Variants in B3GALT1 observed in about 807,000 individuals in gnomAD.
B3GALT1 encodes beta-1,3-galactosyltransferase 1.
Under a neutral mutation model 23.2 loss-of-function variants are expected in B3GALT1, and 10 were observed. That is an observed-to-expected ratio of 0.43 (90% CI 0.27 to 0.73). The LOEUF is 0.73. Among genes scored for constraint, B3GALT1 ranks in the 30% least tolerant of loss-of-function variants. The pLI is 0.21. For synonymous variants in B3GALT1, 156 were observed against 141.5 expected (o/e 1.10, Z -0.73); for missense variants, 299 against 405.4 (o/e 0.74, Z 2.25).
At chr2:167,343,427 A>G (rs1244264347) in intron 1 of B3GALT1, among the ~76,000 whole-genome samples, 1 of 152,228 alleles carries the variant, frequency 6.6e-6, no homozygotes, top group African/African-American at 2.4e-5. Context: ...AGTTACAAAC[A>G]TCAGAAAATC....
intron 3 of B3GALT1, among the ~76,000 whole-genome samples, chr2:167,791,455 T>C (rs1036862202): frequency 3.3e-5 from 5 of 152,212 alleles, no homozygotes; most frequent in Non-Finnish European, 5.9e-5. Flanking sequence ...GAAAAGTGCT[T>C]GTATAAATCC....
chr2:167,343,864 G>A (rs1017152950), intron 1 of B3GALT1, among the ~76,000 whole-genome samples: 1 of 152,086 alleles, frequency 6.6e-6, no homozygotes, highest in Non-Finnish European at 1.5e-5. Flanking sequence ...AAGCTAAAAG[G>A]CAAAAGATAG....
At chr2:167,585,444 T>A (rs1163956595) in intron 2 of B3GALT1, among the ~76,000 whole-genome samples, 1 of 152,178 alleles carries the variant, frequency 6.6e-6, no homozygotes, top group African/African-American at 2.4e-5. Flanking sequence ...TACAAGAAGA[T>A]GCTCACAGTC....
intron 2 of B3GALT1, among the ~76,000 whole-genome samples, chr2:167,559,199 T>G (rs1164014057): frequency 2.0e-5 from 3 of 152,146 alleles, no homozygotes; most frequent in Non-Finnish European, 4.4e-5. Context: ...CAGGCAAACA[T>G]GGTCTGGAGT....
chr2:167,796,785 G>T (rs908820201), intron 3 of B3GALT1, among the ~76,000 whole-genome samples: 1 of 151,814 alleles, frequency 6.6e-6, no homozygotes, highest in African/African-American at 2.4e-5. Flanking sequence ...ACACATGAAG[G>T]TTTTATAAAG....
chr2:167,483,228 G>C (rs745352946), intron 1 of B3GALT1, among the ~76,000 whole-genome samples: 1 of 152,102 alleles, frequency 6.6e-6, no homozygotes, highest in Non-Finnish European at 1.5e-5. Flanking sequence ...GGGAGATGGA[G>C]GTTGTGGTGA....
rs117918915 is a variant in B3GALT1 at position 167,344,412 on chromosome 2, A to C, written c.-511+51078A>C. 1.5e-3 allele frequency among the ~76,000 whole-genome samples: 228 copies of C among 152,284 alleles called. 2 individuals carry two copies. The East Asian group carries it at 0.019, about 12-fold the overall frequency. ...TTATTTTGATCATGAGCTCATAATC[A>C]ACATTTTTCTTCTCCCTTCTTATGG... is the stretch of plus-strand genomic sequence containing the variant. On this transcript the variant is annotated intron_variant, in intron 1 of 4. Coordinates refer to ENST00000392690, the MANE Select transcript of B3GALT1 (RefSeq NM_020981.4).
chr2:167,754,556 A>C (rs1417401456), intron 3 of B3GALT1, among the ~76,000 whole-genome samples: 1 of 152,222 alleles, frequency 6.6e-6, no homozygotes, highest in East Asian at 1.9e-4. Flanking sequence ...AAGGGAAGTT[A>C]AGAGGCTTAA....
intron 1 of B3GALT1, among the ~76,000 whole-genome samples, chr2:167,349,480 G>C (rs2105253943): frequency 6.6e-6 from 1 of 152,254 alleles, no homozygotes; most frequent in South Asian, 2.1e-4. Flanking sequence ...ATGAAAAAGT[G>C]AAAGTTCTTG....
At chr2:167,779,699 T>C (rs1688216727) in intron 3 of B3GALT1, among the ~76,000 whole-genome samples, 1 of 152,212 alleles carries the variant, frequency 6.6e-6, no homozygotes, top group Non-Finnish European at 1.5e-5. Context: ...TGCAGTTCAG[T>C]GCACAGGGCC....
intron 2 of B3GALT1, among the ~76,000 whole-genome samples, chr2:167,590,736 A>T (rs919986306): frequency 1.3e-5 from 2 of 152,124 alleles, no homozygotes; most frequent in African/African-American, 4.8e-5. Context: ...GACTCTTGAT[A>T]TTTTTTTGAA....
At chr2:167,491,874 C>T (rs1381692488) in intron 2 of B3GALT1, among the ~76,000 whole-genome samples, 5 of 151,842 alleles carry the variant, frequency 3.3e-5, no homozygotes, top group African/African-American at 1.2e-4. Context: ...ACACAGAGAG[C>T]TTCCACATAA....
chr2:167,832,470 G>A (rs1373588514), intron 4 of B3GALT1, among the ~76,000 whole-genome samples: 1 of 152,112 alleles, frequency 6.6e-6, no homozygotes, highest in Admixed American at 6.5e-5. Flanking sequence ...GACAAAATAA[G>A]TCAATGCAGC....
intron 3 of B3GALT1, among the ~76,000 whole-genome samples, chr2:167,804,871 T>A (rs942062125): frequency 1.6e-4 from 24 of 152,330 alleles, no homozygotes; most frequent in African/African-American, 5.8e-4. Context: ...CAAACGGTAT[T>A]TCTAGTTCAA....
intron 2 of B3GALT1, among the ~76,000 whole-genome samples, chr2:167,635,667 T>C (rs1490015062): frequency 4.6e-5 from 7 of 151,996 alleles, no homozygotes; most frequent in African/African-American, 1.7e-4. Context: ...TAAGGAGAAC[T>C]ACAAACCACT....
intron 2 of B3GALT1, among the ~76,000 whole-genome samples, chr2:167,620,963 C>T (rs1309632832): frequency 6.6e-6 from 1 of 151,976 alleles, no homozygotes; most frequent in African/African-American, 2.4e-5. Flanking sequence ...TATTCCCCTC[C>T]CACCACCATC....
intron 3 of B3GALT1, among the ~76,000 whole-genome samples, chr2:167,800,131 T>G (rs1688612833): frequency 6.6e-6 from 1 of 152,228 alleles, no homozygotes; most frequent in African/African-American, 2.4e-5. Context: ...AAAAAGTTCA[T>G]GCTGGGTGAA....
chr2:167,449,776 G>A (rs944730371), intron 1 of B3GALT1, among the ~76,000 whole-genome samples: 5 of 152,056 alleles, frequency 3.3e-5, no homozygotes, highest in Non-Finnish European at 7.4e-5. Context: ...CTTCTATGCC[G>A]ATTTTGCTGA....
At chr2:167,320,203 T>C (rs1339604511) in intron 1 of B3GALT1, among the ~76,000 whole-genome samples, 1 of 151,818 alleles carries the variant, frequency 6.6e-6, no homozygotes, top group Non-Finnish European at 1.5e-5. Context: ...TTTTTTTTTT[T>C]TCCTGAGATG....
Sources: allele counts gnomAD v4.1 joint callset (sites outside exome capture counted in the v4.1 genomes callset), GRCh38; gene constraint gnomAD v4.1.1; transcripts MANE v1.5; gene names NCBI Gene and HGNC (gene_info 2026-07-23, HGNC 2026-07-21).